Variants in ATF6 observed in about 807,000 individuals in gnomAD.
The protein encoded by ATF6 is cyclic AMP-dependent transcription factor ATF-6 alpha.
A neutral mutation model predicts 83.6 loss-of-function variants in ATF6; 53 were observed. That is an observed-to-expected ratio of 0.63 (90% CI 0.51 to 0.80). The LOEUF (loss-of-function observed/expected upper bound fraction) is 0.80. ATF6 is among the 30% of genes least tolerant of loss of function. The pLI is 0.00. For synonymous variants in ATF6, 288 were observed against 285.8 expected (o/e 1.01, Z -0.08); for missense variants, 744 against 797.9 (o/e 0.93, Z 0.81).
intron 6 of ATF6, among the ~76,000 whole-genome samples, chr1:161,798,714 A>G (rs1249020282): frequency 6.6e-6 from 1 of 152,194 alleles, no homozygotes; most frequent in East Asian, 1.9e-4. Context: ...CAGTGTATCC[A>G]ACAAAGGTCT....
Position 161,846,330 on chromosome 1 carries a change from C to T in ATF6, c.1188-119C>T. 2.7e-6 allele frequency: 3 copies of T among 1,124,432 alleles called. No individual in the cohort carries two copies. The East Asian group carries it at 8.5e-5, about 32-fold the overall frequency. The allele number at this position is 1,124,432 out of a possible 1,614,324, so 69.7% of individuals were successfully genotyped here. ...TATTTGTACTTGCGTCTATGCCTAG[C>T]ATTTTTGTTACGTGCATGGATCTGC... On this transcript the variant is annotated intron_variant, in intron 9 of 15. Coordinates refer to ENST00000367942, the MANE Select transcript of ATF6 (RefSeq NM_007348.4).
At chr1:161,924,702 T>C (rs1207193559) in intron 15 of ATF6, among the ~76,000 whole-genome samples, 1 of 152,202 alleles carries the variant, frequency 6.6e-6, no homozygotes, top group Non-Finnish European at 1.5e-5. Context: ...AGCAGTTTCT[T>C]TGAAGATACC....
chr1:161,945,233 G>T (rs561023718), intron 15 of ATF6, among the ~76,000 whole-genome samples: 12 of 152,322 alleles, frequency 7.9e-5, no homozygotes, highest in African/African-American at 2.9e-4. Context: ...GTTAATTACA[G>T]AAGTTGGATC....
At chr1:161,939,714 A>G (rs1688607033) in intron 15 of ATF6, among the ~76,000 whole-genome samples, 1 of 152,222 alleles carries the variant, frequency 6.6e-6, no homozygotes, top group African/African-American at 2.4e-5. Context: ...CAGGAAGAAG[A>G]AGATAGGAAG....
At chr1:161,873,906 A>C (rs895142776) in intron 14 of ATF6, among the ~76,000 whole-genome samples, 7 of 151,718 alleles carry the variant, frequency 4.6e-5, no homozygotes, top group African/African-American at 1.7e-4. Flanking sequence ...CAAATTAATT[A>C]GATACCAAAT....
At chr1:161,778,171 G>A in intron 1 of ATF6, 73 bp from the exon 2 acceptor site, 10 of 1,239,498 alleles carry the variant, frequency 8.1e-6, no homozygotes, top group Non-Finnish European at 1.2e-5. Flanking sequence ...AGGTGACATA[G>A]GGACACAGTG....
Position 161,849,575 on chromosome 1 carries a change from A to G in ATF6, c.1320-2147A>G, listed in dbSNP as rs144464085. Among the ~76,000 whole-genome samples, 3 of 152,102 alleles carry G rather than the reference A, an allele frequency of 2.0e-5. No homozygotes were observed. In the East Asian group the frequency reaches 5.8e-4, roughly 29 times the overall value. ...TGAAAGACTTTCCTTTTGTGTTACT[A>G]TGGTTTTTTAGTTTCCTTTTTTTAT... On this transcript the variant is annotated intron_variant, in intron 10 of 15. Coordinates refer to ENST00000367942, the MANE Select transcript of ATF6 (RefSeq NM_007348.4).
At chr1:161,829,696 A>G (rs1320905717) in intron 9 of ATF6, among the ~76,000 whole-genome samples, 3 of 152,150 alleles carry the variant, frequency 2.0e-5, no homozygotes, top group Admixed American at 1.3e-4. Context: ...AGAACCAAAG[A>G]CAAAAACCAC....
intron 14 of ATF6, among the ~76,000 whole-genome samples, chr1:161,892,985 C>T (rs1176250760): frequency 2.6e-5 from 4 of 151,852 alleles, no homozygotes; most frequent in African/African-American, 9.7e-5. Flanking sequence ...TCTTTTGCTA[C>T]GTCGTTGAGG....
chr1:161,953,777 C>T (rs573440663), intron 15 of ATF6, among the ~76,000 whole-genome samples: 2 of 152,298 alleles, frequency 1.3e-5, no homozygotes, highest in Admixed American at 1.3e-4. Context: ...GTTCTTCCCA[C>T]TTATAACTGA....
At chr1:161,831,616 TA>T (rs1686062710) in intron 9 of ATF6, among the ~76,000 whole-genome samples, 1 of 151,810 alleles carries the variant, frequency 6.6e-6, no homozygotes, top group South Asian at 2.1e-4. Context: ...TATGCAGCCA[TA>T]AAAAATGATG....
At position 161,942,916 on chromosome 1, in the gene ATF6, C is replaced by T. The variant is rs906834742; in HGVS notation, c.1805-15530C>T. On this transcript the variant is annotated intron_variant, in intron 15 of 15. Coordinates refer to ENST00000367942, the MANE Select transcript of ATF6 (RefSeq NM_007348.4). ...TGTCACCCAGGCTGGAGTGCAGTGG[C>T]GCAATCTTGGTTCACTGCAACCTCC... Among the ~76,000 whole-genome samples the T allele has an allele frequency of 3.9e-5, 6 of 152,210 alleles. 1 individual carries two copies. Among genetic ancestry groups the T allele is most frequent in the Admixed American group, 2.6e-4 (4 of 15,294 alleles).
At chr1:161,899,421 C>A (rs1275055622) in intron 14 of ATF6, among the ~76,000 whole-genome samples, 2 of 152,114 alleles carry the variant, frequency 1.3e-5, no homozygotes, top group East Asian at 3.8e-4. Context: ...TCTAGTATAT[C>A]AGAATGAAGA....
intron 10 of ATF6, among the ~76,000 whole-genome samples, chr1:161,850,883 C>A (rs1686601926): frequency 6.6e-6 from 1 of 151,942 alleles, no homozygotes; most frequent in African/African-American, 2.4e-5. Flanking sequence ...CAGTAATATC[C>A]CCATCTCAAA....
Position 161,852,770 on chromosome 1 carries a change from G to A in ATF6, c.1434-454G>A, listed in dbSNP as rs1278242825. Among the ~76,000 whole-genome samples, 7 of 152,074 alleles carry A rather than the reference G, an allele frequency of 4.6e-5. No individual in the cohort carries two copies. The East Asian group carries it at 1.4e-3, about 29-fold the overall frequency. On this transcript the variant is annotated intron_variant, in intron 11 of 15. Coordinates refer to ENST00000367942, the MANE Select transcript of ATF6 (RefSeq NM_007348.4). ...TGGGACTACAGGCACATGCCACCAT[G>A]CCCAGTTAATTTTTTAAAAAAATTT...
chr1:161,866,887 A>G (rs1027120112), intron 14 of ATF6, among the ~76,000 whole-genome samples: 1 of 152,222 alleles, frequency 6.6e-6, no homozygotes, highest in Non-Finnish European at 1.5e-5. Flanking sequence ...ATCTGGGACT[A>G]CAGGAGAGTG....
intron 14 of ATF6, among the ~76,000 whole-genome samples, chr1:161,909,219 C>T (rs1338361698): frequency 6.6e-6 from 1 of 152,180 alleles, no homozygotes; most frequent in East Asian, 1.9e-4. Context: ...GCTCCATAAT[C>T]CTCAACTTGC....
At chr1:161,922,348 A>G (rs1688228840) in intron 15 of ATF6, among the ~76,000 whole-genome samples, 1 of 152,168 alleles carries the variant, frequency 6.6e-6, no homozygotes, top group Admixed American at 6.5e-5. Context: ...AGTTCCTTGA[A>G]TCTGTATTCA....
At position 161,892,969 on chromosome 1, in the gene ATF6, T is replaced by C. The variant is rs560527496; in HGVS notation, c.1720-19327T>C. ...TCTTTAAAGACCCTAAAATGTGGCTTTGTGTTCTTTTGCTACGTCGTTGAG... is the reference window on the plus strand; with the variant it reads ...TCTTTAAAGACCCTAAAATGTGGCTCTGTGTTCTTTTGCTACGTCGTTGAG... On this transcript the variant is annotated intron_variant, in intron 14 of 15. Coordinates refer to ENST00000367942, the MANE Select transcript of ATF6 (RefSeq NM_007348.4). Among the ~76,000 whole-genome samples, 55 of 151,954 alleles carry C rather than the reference T, an allele frequency of 3.6e-4. 1 individual carries two copies. Among genetic ancestry groups the C allele is most frequent in the Non-Finnish European group, 6.6e-4 (45 of 67,950 alleles).
Sources: gnomAD v4.1 joint callset for allele counts (sites outside exome capture counted in the v4.1 genomes callset) on GRCh38, gnomAD v4.1.1 for gene constraint, MANE v1.5 for transcripts, NCBI Gene and HGNC (gene_info 2026-07-23, HGNC 2026-07-21) for gene names.